The following DHX8 variants were observed in gnomAD, a reference collection of about 807,000 sequenced individuals.
DHX8 encodes DEAH-box helicase 8.
Under a neutral mutation model 140.7 loss-of-function variants are expected in DHX8, and 67 were observed. The observed-to-expected ratio is 0.48, with a 90% confidence interval of 0.39 to 0.58. The LOEUF is 0.58. Among genes scored for constraint, DHX8 ranks in the 20% least tolerant of loss-of-function variants. The pLI is 0.00. For synonymous variants in DHX8, 533 were observed against 553.2 expected, an observed-to-expected ratio of 0.96 and a Z score of 0.51; for missense variants, 887 against 1,550.7, an observed-to-expected ratio of 0.57 and a Z score of 7.19.
At position 43,522,164 on chromosome 17, in the gene DHX8, G is replaced by A; in HGVS notation, c.3381G>A (p.Leu1127=). The part of the protein sequence containing the change: ...KKDPQEGYRT[L]IDQQVVYIHP... ...ACCCGCAGGAGGGTTACCGGACACT[G>A]ATCGACCAGCAGGTGGTCTATATCC... The change falls in exon 22 of 23, where the codon CTG becomes CTA. Residue 1127 remains leucine (L), a synonymous_variant. Transcript: ENST00000262415. 3 of 1,614,106 alleles carry A rather than the reference G, an allele frequency of 1.9e-6. No homozygotes were observed. Among genetic ancestry groups the A allele is most frequent in the South Asian group, 2.2e-5 (2 of 91,080 alleles).
At position 43,523,925 on chromosome 17, in the gene DHX8, A is replaced by T; in HGVS notation, c.*78A>T. Reference sequence around the variant, plus strand: ...TATCGATGACAGGCTGGTCCTGAGGATACAGCTGTCCCGTGACTGACTGTC... The same window carrying T: ...TATCGATGACAGGCTGGTCCTGAGGTTACAGCTGTCCCGTGACTGACTGTC... On this transcript the variant is annotated 3_prime_UTR_variant, in exon 23 of 23. Transcript: ENST00000262415. 6.3e-7 allele frequency: 1 copy of T among 1,581,082 alleles called. No homozygotes were observed.
Position 43,536,260 on chromosome 17 carries a change from C to T in DHX8, c.351-152C>T. 6 of 690,444 alleles carry T rather than the reference C, an allele frequency of 8.7e-6. No homozygotes were observed. In the Admixed American group the frequency reaches 1.4e-4, roughly 16 times the overall value. 42.8% of individuals were successfully genotyped at this position (690,444 alleles called of 1,614,324 possible). A position where few individuals can be genotyped will look rare whatever the true frequency, so the allele number is the denominator to read the frequency against. On this transcript the variant is annotated intron_variant, in intron 2 of 3. Transcript: ENST00000589898. ...CACACAGCAAGAACATGTCAAGCCC[C>T]AGATTTCAACCAAGGTTTTCATTCC...
At chr17:43,503,804 AACTGCTAATGGGT>A (rs1969346201) in intron 11 of DHX8, among the ~76,000 whole-genome samples, 1 of 152,206 alleles carries the variant, frequency 6.6e-6, no homozygotes, top group Non-Finnish European at 1.5e-5. Context: ...AATGGGGAGT[AACTGCTAATGGGT>A]ACAGGGTTTC....
At position 43,498,855 on chromosome 17, in the gene DHX8, CT is replaced by C. The variant is rs1441394535; in HGVS notation, c.1301-3del. 8.8e-6 allele frequency: 14 copies of C among 1,589,340 alleles called. No individual in the cohort carries two copies. The highest frequency in any genetic ancestry group is 1.2e-5 in the Non-Finnish European group (14 of 1,170,628). Reference sequence around the variant, plus strand: ...ATGGCTAATTCTTCTTTTGGGGGGACTTTTAGATGAGGACCTTGAGATTGAA... The same window carrying C: ...ATGGCTAATTCTTCTTTTGGGGGGACTTTAGATGAGGACCTTGAGATTGAA... On this transcript the variant is annotated splice_polypyrimidine_tract_variant and splice_region_variant and intron_variant, in intron 9 of 22. Transcript: ENST00000262415.
intron 2 of DHX8, chr17:43,532,783 A>G (rs139596459): frequency 3.7e-6 from 6 of 1,613,926 alleles, no homozygotes; most frequent in Non-Finnish European, 2.5e-6. Flanking sequence ...CCGCCTGTTC[A>G]TACAGGGGAT....
Position 43,524,257 on chromosome 17 carries a change from C to A in DHX8, c.*410C>A. 1 of 1,023,602 alleles carries A rather than the reference C, an allele frequency of 9.8e-7. No homozygotes were observed. The highest frequency in any genetic ancestry group is 5.2e-5 in the Admixed American group (1 of 19,186). 63.4% of individuals were successfully genotyped at this position (1,023,602 alleles called of 1,614,324 possible). On this transcript the variant is annotated 3_prime_UTR_variant, in exon 23 of 23. Coordinates refer to ENST00000262415, the MANE Select transcript of DHX8 (RefSeq NM_004941.3). ...AAAGTGTTTGCCCCACTTCCCACCCCGTCTCCAGCCCCTGTACTTTGGCTT... is the reference window on the plus strand; with the variant it reads ...AAAGTGTTTGCCCCACTTCCCACCCAGTCTCCAGCCCCTGTACTTTGGCTT...
At chr17:43,522,747 C>CAA (rs773301589) in intron 22 of DHX8, among the ~76,000 whole-genome samples, 725 of 41,044 alleles carry the variant, frequency 0.018, 38 homozygotes, top group African/African-American at 0.059. Context: ...AACTCCATCT[C>CAA]AAAAAAAAAA....
chr17:43,524,173 G>T lies in DHX8; in HGVS notation c.*326G>T. On this transcript the variant is annotated 3_prime_UTR_variant, in exon 23 of 23. Coordinates refer to ENST00000262415, the MANE Select transcript of DHX8 (RefSeq NM_004941.3). ...GGAAGGTGGAGTGGGTGAGCATCTT[G>T]TGCAGGGACATGGTGAGTGCCCTGA... 8.3e-7 allele frequency: 1 copy of T among 1,204,676 alleles called. No homozygotes were observed. Among genetic ancestry groups the T allele is most frequent in the Non-Finnish European group, 1.0e-6 (1 of 958,080 alleles). The allele number at this position is 1,204,676 out of a possible 1,614,324, so 74.6% of individuals were successfully genotyped here. A position where few individuals can be genotyped will look rare whatever the true frequency, so the allele number is the denominator to read the frequency against.
intron 17 of DHX8, among the ~76,000 whole-genome samples, chr17:43,516,827 T>G (rs1383934766): frequency 6.6e-6 from 1 of 152,232 alleles, no homozygotes; most frequent in Non-Finnish European, 1.5e-5. Flanking sequence ...CTTACATTTT[T>G]GGTCATAACT....
chr17:43,537,192 C>A (rs914993781), intron 3 of DHX8, among the ~76,000 whole-genome samples: 7 of 147,654 alleles, frequency 4.7e-5, no homozygotes, highest in African/African-American at 1.5e-4. Flanking sequence ...ATGACGAAAC[C>A]CCATCTTTAC....
chr17:43,533,661 T>C (rs988833342), intron 2 of DHX8, among the ~76,000 whole-genome samples: 1 of 152,098 alleles, frequency 6.6e-6, no homozygotes, highest in Non-Finnish European at 1.5e-5. Context: ...GGCCTCAGTA[T>C]ATATTCCTGA....
At chr17:43,500,964 A>G (rs1265282380) in intron 11 of DHX8, among the ~76,000 whole-genome samples, 1 of 152,100 alleles carries the variant, frequency 6.6e-6, no homozygotes, top group East Asian at 1.9e-4. Context: ...CCTTTTTCAT[A>G]TAATTCTTTG....
chr17:43,485,509 G>A (rs938225320), intron 1 of DHX8, among the ~76,000 whole-genome samples: 1 of 151,998 alleles, frequency 6.6e-6, no homozygotes, highest in African/African-American at 2.4e-5. Flanking sequence ...TTTTCCCGCA[G>A]GATTCTTCTC....
At chr17:43,529,538 C>G, downstream of DHX8, 3 of 1,613,722 alleles carry the variant, frequency 1.9e-6, no homozygotes, top group Non-Finnish European at 2.5e-6. Context: ...CTCCATTCCC[C>G]GGCCCGTCCA....
chr17:43,529,359 T>A, downstream of DHX8: 1 of 1,393,908 alleles, frequency 7.2e-7, no homozygotes, highest in Non-Finnish European at 1.0e-6. Context: ...CAACAAAGCA[T>A]CAGCCCACAG....
chr17:43,490,852 T>G (rs1216396167), intron 3 of DHX8, among the ~76,000 whole-genome samples: 1 of 151,812 alleles, frequency 6.6e-6, no homozygotes, highest in African/African-American at 2.4e-5. Flanking sequence ...TTAGCCTGAG[T>G]GACAGAGGTT....
At chr17:43,532,824 G>T (rs776963387) in intron 2 of DHX8, 1 of 1,614,070 alleles carries the variant, frequency 6.2e-7, no homozygotes, top group South Asian at 1.1e-5. Flanking sequence ...CTCTGCTGGG[G>T]ATAGGGTGGG....
chr17:43,495,019 G>T (rs1392260107), intron 8 of DHX8, among the ~76,000 whole-genome samples: 1 of 151,648 alleles, frequency 6.6e-6, no homozygotes, highest in Non-Finnish European at 1.5e-5. Flanking sequence ...TCACCATGTT[G>T]GCCAGGCTAG....
chr17:43,489,400 AT>A, intron 1 of DHX8, 48 bp from the exon 2 acceptor site: 1 of 1,315,396 alleles, frequency 7.6e-7, no homozygotes, highest in Non-Finnish European at 1.1e-6. Context: ...CTTGAAACTG[AT>A]TTCTTGTTCA....
Sources: allele counts gnomAD v4.1 joint callset (sites outside exome capture counted in the v4.1 genomes callset), GRCh38; gene constraint gnomAD v4.1.1; transcripts MANE v1.5; gene names NCBI Gene and HGNC (gene_info 2026-07-23, HGNC 2026-07-21).